Variants in MARS1 observed in about 807,000 individuals in gnomAD.
MARS1 encodes methionine--tRNA ligase, cytoplasmic.
In MARS1, 80 loss-of-function variants were observed where a neutral mutation model predicts 119.5. The observed-to-expected ratio is 0.67, with a 90% confidence interval of 0.56 to 0.81. The LOEUF is 0.81. MARS1 is among the 30% of genes least tolerant of loss of function. The pLI is 0.00. For synonymous variants in MARS1, 418 were observed against 433.4 expected (o/e 0.96, Z 0.44); for missense variants, 945 against 1,116.5 (o/e 0.85, Z 2.19).
Position 57,498,600 on chromosome 12 carries a change from C to T in MARS1, c.1068C>T (p.Arg356=), listed in dbSNP as rs775215252. The change falls in exon 9 of 21, where the codon CGC becomes CGT. Residue 356 remains arginine (R), a synonymous_variant. Transcript: ENST00000262027. ...WFNISFDIFG[R]TTTPQQTKIT... The stretch of plus-strand genomic sequence containing the variant: ...ACATTTCGTTTGATATTTTTGGTCG[C>T]ACCACCACTCCACAGCAGACCAAGT... 1.9e-6 allele frequency: 3 copies of T among 1,614,158 alleles called. No individual in the cohort carries two copies. The highest frequency in any genetic ancestry group is 2.2e-5 in the South Asian group (2 of 91,082).
intron 15 of MARS1, among the ~76,000 whole-genome samples, chr12:57,514,300 G>A (rs964371862): frequency 2.6e-5 from 4 of 151,366 alleles, no homozygotes; most frequent in Admixed American, 2.0e-4. Context: ...TGGGATTACA[G>A]GTGCACACCA....
chr12:57,496,204 C>T (rs557838052), intron 7 of MARS1, among the ~76,000 whole-genome samples: 2 of 146,978 alleles, frequency 1.4e-5, no homozygotes, highest in Non-Finnish European at 3.0e-5. Context: ...AACTGAGTCT[C>T]ACTAGGATGG....
At chr12:57,494,115 C>T (rs1365495061) in intron 7 of MARS1, among the ~76,000 whole-genome samples, 1 of 145,960 alleles carries the variant, frequency 6.9e-6, no homozygotes, top group Non-Finnish European at 1.5e-5. Context: ...ACCACCATGC[C>T]CAGCTAATTT....
In MARS1 at chr12:57,490,211, G is replaced by C. The variant is rs1875827831; in HGVS notation, c.495G>C (p.Glu165Asp). Residue 165 changes from glutamate to aspartate, a missense_variant, in exon 6 of 21, where the codon GAG (glutamate) becomes GAC (aspartate). Glu to Asp is a conservative substitution (Grantham distance 45). Transcript: ENST00000262027. ...LLQDPAYLPEELSALHSWFQT... is the reference protein window; with the variant it reads ...LLQDPAYLPEDLSALHSWFQT... ...TCTTTTCTTCCATACCCACAGAGGA[G>C]CTGAGTGCCCTGCACAGCTGGTTCC... 1.2e-6 allele frequency: 2 copies of C among 1,612,344 alleles called. No individual in the cohort carries two copies. Among genetic ancestry groups the C allele is most frequent in the African/African-American group, 1.3e-5 (1 of 74,842 alleles).
In MARS1 at chr12:57,488,206, G is replaced by A. The variant is rs916054992; in HGVS notation, c.109+7G>A. On this transcript the variant is annotated splice_region_variant and intron_variant, in intron 1 of 20. Coordinates refer to ENST00000262027, the MANE Select transcript of MARS1 (RefSeq NM_004990.4). Reference sequence around the variant, plus strand: ...AGCACTGTAGGCCCGGAAGGTACTCGTGCTGGTGCTGGTGGGCGGTGGATG... The same window carrying A: ...AGCACTGTAGGCCCGGAAGGTACTCATGCTGGTGCTGGTGGGCGGTGGATG... 1.9e-6 allele frequency: 3 copies of A among 1,604,040 alleles called. No homozygotes were observed. The highest frequency in any genetic ancestry group is 1.7e-5 in the Admixed American group (1 of 59,534).
intron 11 of MARS1, among the ~76,000 whole-genome samples, chr12:57,511,069 A>G (rs1877489397): frequency 6.6e-6 from 1 of 151,804 alleles, no homozygotes; most frequent in South Asian, 2.1e-4. Context: ...AGACCCTGAT[A>G]TGGACAAGAT....
intron 1 of MARS1, chr12:57,488,451 C>G (rs974404097): frequency 2.0e-6 from 2 of 1,001,270 alleles, no homozygotes; most frequent in East Asian, 5.2e-5. Context: ...CCCCGCCTCA[C>G]CCCAGTAAAC....
At chr12:57,488,694 C>T in intron 1 of MARS1, 1 of 1,506,580 alleles carries the variant, frequency 6.6e-7, no homozygotes, top group Non-Finnish European at 9.0e-7. Flanking sequence ...ATTTTGTTCT[C>T]CCACTGTGAC....
chr12:57,510,344 G>A (rs968754791), intron 11 of MARS1, among the ~76,000 whole-genome samples: 1 of 151,986 alleles, frequency 6.6e-6, no homozygotes, highest in East Asian at 1.9e-4. Context: ...TGGTGGCACC[G>A]ACCTGTAGTC....
Position 57,498,447 on chromosome 12 carries a change from C to T in MARS1, c.915C>T (p.Thr305=), listed in dbSNP as rs199641659. The change falls in exon 9 of 21, where the codon ACC becomes ACT. Residue 305 remains threonine, a synonymous_variant. Coordinates refer to ENST00000262027, the MANE Select transcript of MARS1 (RefSeq NM_004990.4). ...ARYSRLRQWN[T]LYLCGTDEYG... is the part of the protein sequence containing the mutation. ...ACTCTCGCCTCCGCCAGTGGAACAC[C>T]CTCTATCTGTGTGGGACAGATGAGT... 5.8e-5 allele frequency: 94 copies of T among 1,614,068 alleles called. 2 individuals carry two copies. The Admixed American group carries it at 1.2e-3, about 20-fold the overall frequency.
intron 11 of MARS1, among the ~76,000 whole-genome samples, chr12:57,508,749 A>T (rs1448692179): frequency 1.3e-5 from 2 of 150,018 alleles, no homozygotes; most frequent in Admixed American, 1.3e-4. Flanking sequence ...TCTAATAGAG[A>T]TGGGGTTTCA....
intron 7 of MARS1, among the ~76,000 whole-genome samples, chr12:57,496,818 A>AT (rs1876660411): frequency 6.6e-6 from 1 of 151,462 alleles, no homozygotes; most frequent in African/African-American, 2.4e-5. Flanking sequence ...TCAGGCATGT[A>AT]TACAGGCAAA....
intron 12 of MARS1, 25 bp downstream of exon 12, chr12:57,511,893 C>A: frequency 6.2e-7 from 1 of 1,612,388 alleles, no homozygotes; most frequent in Non-Finnish European, 8.5e-7. Flanking sequence ...TTATTCATAT[C>A]ATTCAGCCTT....
chr12:57,495,195 G>A (rs990854470), intron 7 of MARS1, among the ~76,000 whole-genome samples: 1 of 151,104 alleles, frequency 6.6e-6, no homozygotes, highest in African/African-American at 2.4e-5. Flanking sequence ...CTCCCGGATG[G>A]GGCGGCTGGC....
chr12:57,488,231 G>C, intron 1 of MARS1, 32 bp downstream of exon 1: 2 of 1,578,124 alleles, frequency 1.3e-6, no homozygotes, highest in Non-Finnish European at 1.7e-6. Context: ...GGCGGTGGAT[G>C]GGGGGGCGGG....
At chr12:57,507,415 C>T (rs1224167289) in intron 11 of MARS1, among the ~76,000 whole-genome samples, 1 of 77,256 alleles carries the variant, frequency 1.3e-5, no homozygotes, top group Non-Finnish European at 3.0e-5. Context: ...TCCTCACTTC[C>T]CAGTAGGGGT....
At chr12:57,492,705 A>G (rs1417678399) in intron 7 of MARS1, among the ~76,000 whole-genome samples, 1 of 137,972 alleles carries the variant, frequency 7.2e-6, no homozygotes, top group African/African-American at 2.8e-5. Context: ...ACACACACAC[A>G]CACACACACA....
Position 57,512,964 on chromosome 12 carries a change from G to C in MARS1, c.1967G>C (p.Arg656Thr). Residue 656 changes from arginine to threonine, a missense_variant and splice_region_variant, in exon 15 of 21, where the codon AGA becomes ACA. Physicochemically the swap from Arg to Thr is moderately conservative, Grantham distance 71. Transcript: ENST00000262027. Reference sequence around the variant, plus strand: ...AACAACCTGGGCAACTTCATCAACAGGTAGGACTTGGTAAGGGGTCAGAGT... The same window carrying C: ...AACAACCTGGGCAACTTCATCAACACGTAGGACTTGGTAAGGGGTCAGAGT... ...LLNNLGNFINRAGMFVSKFFG... is the reference protein window; with the variant it reads ...LLNNLGNFINTAGMFVSKFFG... The C allele has an allele frequency of 6.2e-7, 1 of 1,613,956 alleles. No homozygotes were observed. Among genetic ancestry groups the C allele is most frequent in the Non-Finnish European group, 8.5e-7 (1 of 1,179,838 alleles).
intron 10 of MARS1, among the ~76,000 whole-genome samples, chr12:57,501,680 G>A (rs1002661594): frequency 3.9e-5 from 6 of 152,138 alleles, no homozygotes; most frequent in African/African-American, 1.4e-4. Flanking sequence ...AAATTAGCTG[G>A]GTGTGGTGGC....
Sources: allele counts gnomAD v4.1 joint callset (sites outside exome capture counted in the v4.1 genomes callset), GRCh38; gene constraint gnomAD v4.1.1; transcripts MANE v1.5; gene names NCBI Gene and HGNC (gene_info 2026-07-23, HGNC 2026-07-21).